The following VMP1 variants were observed in gnomAD, a reference collection of about 807,000 sequenced individuals.
VMP1 encodes ectopic P-granules autophagy protein 3 homolog.
VMP1 carries 11 observed loss-of-function variants against 56.0 expected under a neutral mutation model. That is an observed-to-expected ratio of 0.20 (90% CI 0.12 to 0.32). VMP1 has a LOEUF of 0.32. Among genes scored for constraint, VMP1 ranks in the 10% least tolerant of loss-of-function variants. VMP1 has a pLI of 1.00. For missense variants in VMP1, 296 were observed against 490.3 expected (o/e 0.60, Z 3.74); for synonymous variants, 149 against 165.0 (o/e 0.90, Z 0.74).
chr17:59,830,420 T>G (rs972029358), intron 10 of VMP1, among the ~76,000 whole-genome samples: 7 of 152,212 alleles, frequency 4.6e-5, no homozygotes, highest in South Asian at 2.1e-4. Flanking sequence ...TTTTTTTCAT[T>G]TATAAGCTTT....
intron 1 of VMP1, among the ~76,000 whole-genome samples, chr17:59,721,071 C>T (rs1191049008): frequency 3.3e-5 from 5 of 151,772 alleles, no homozygotes; most frequent in Non-Finnish European, 5.9e-5. Context: ...GGGGGCCGGG[C>T]GCGGTGGCTC....
At chr17:59,762,390 G>A (rs1334707988) in intron 5 of VMP1, among the ~76,000 whole-genome samples, 1 of 152,150 alleles carries the variant, frequency 6.6e-6, no homozygotes, top group Non-Finnish European at 1.5e-5. Flanking sequence ...TTGCTACATT[G>A]TAGTGAGACT....
At chr17:59,834,620 C>T (rs1305610961) in intron 10 of VMP1, among the ~76,000 whole-genome samples, 2 of 125,410 alleles carry the variant, frequency 1.6e-5, no homozygotes, top group African/African-American at 5.8e-5. Flanking sequence ...CCACCATGCC[C>T]AGCTAATTTT....
At chr17:59,715,921 T>C (rs1386223144) in intron 1 of VMP1, among the ~76,000 whole-genome samples, 2 of 152,210 alleles carry the variant, frequency 1.3e-5, no homozygotes, top group South Asian at 2.1e-4. Flanking sequence ...ATTTTTCTTT[T>C]ATTTTGGCCT....
intron 10 of VMP1, among the ~76,000 whole-genome samples, chr17:59,834,266 T>C (rs751435096): frequency 2.9e-4 from 44 of 151,862 alleles, no homozygotes; most frequent in Admixed American, 1.8e-3. Flanking sequence ...CTTGTTTTTG[T>C]TTTTGTTTTT....
chr17:59,716,541 A>G (rs1238940914), intron 1 of VMP1, among the ~76,000 whole-genome samples: 1 of 152,110 alleles, frequency 6.6e-6, no homozygotes, highest in African/African-American at 2.4e-5. Flanking sequence ...TAGAAGAACT[A>G]TTGAATTTGG....
At chr17:59,818,550 C>T (rs2038327389) in intron 10 of VMP1, among the ~76,000 whole-genome samples, 1 of 151,970 alleles carries the variant, frequency 6.6e-6, no homozygotes, top group Admixed American at 6.6e-5. Context: ...GCAGGCGGAT[C>T]GCCTGAGGTT....
chr17:59,749,258 A>G (rs904113721), intron 5 of VMP1, among the ~76,000 whole-genome samples: 1 of 151,526 alleles, frequency 6.6e-6, no homozygotes, highest in Non-Finnish European at 1.5e-5. Context: ...TGCCCAGCCA[A>G]TAAATTTTTA....
At chr17:59,832,862 C>T (rs1029328791) in intron 10 of VMP1, among the ~76,000 whole-genome samples, 18 of 150,308 alleles carry the variant, frequency 1.2e-4, no homozygotes, top group African/African-American at 3.4e-4. Flanking sequence ...CTGCCCACCT[C>T]GGCCTCCCAA....
At chr17:59,739,457 G>T (rs755618098) in intron 5 of VMP1, among the ~76,000 whole-genome samples, 3 of 150,636 alleles carry the variant, frequency 2.0e-5, no homozygotes, top group Non-Finnish European at 3.0e-5. Context: ...GGGCGTGGTG[G>T]CTCACGCCTG....
chr17:59,836,170 T>C (rs1416359736), intron 10 of VMP1, among the ~76,000 whole-genome samples: 1 of 151,444 alleles, frequency 6.6e-6, no homozygotes, highest in Non-Finnish European at 1.5e-5. Flanking sequence ...TTCAGGCCTT[T>C]TGTACCTCCT....
intron 5 of VMP1, among the ~76,000 whole-genome samples, chr17:59,757,256 GATA>G (rs2035875774): frequency 6.6e-6 from 1 of 151,520 alleles, no homozygotes; most frequent in African/African-American, 2.4e-5. Context: ...TAGATAGATA[GATA>G]GATAGATAGA....
chr17:59,824,005 T>C (rs1432106691), intron 10 of VMP1, among the ~76,000 whole-genome samples: 1 of 152,208 alleles, frequency 6.6e-6, no homozygotes, highest in Non-Finnish European at 1.5e-5. Context: ...GGCTCACGCC[T>C]GTAATCCCGG....
chr17:59,775,263 A>G (rs1458280467), intron 7 of VMP1, among the ~76,000 whole-genome samples: 1 of 151,832 alleles, frequency 6.6e-6, no homozygotes, highest in Non-Finnish European at 1.5e-5. Flanking sequence ...TTTTTTAAAA[A>G]GCTTAGCTGG....
intron 10 of VMP1, among the ~76,000 whole-genome samples, chr17:59,819,967 C>T (rs149941761): frequency 1.0e-3 from 152 of 152,322 alleles, no homozygotes; most frequent in African/African-American, 3.3e-3. Context: ...AGTTACATTA[C>T]TTAGCTACTT....
intron 3 of VMP1, 137 bp downstream of exon 3, chr17:59,735,610 T>C: frequency 1.1e-6 from 1 of 907,478 alleles, no homozygotes; most frequent in South Asian, 2.0e-5. Context: ...TAGGAACATA[T>C]TTATTCTCCT....
intron 7 of VMP1, among the ~76,000 whole-genome samples, chr17:59,777,217 T>G (rs892191318): frequency 6.6e-6 from 1 of 152,248 alleles, no homozygotes; most frequent in African/African-American, 2.4e-5. Flanking sequence ...CACCTTCGTT[T>G]TGCTTGAACA....
chr17:59,818,661 G>T (rs7223793), intron 10 of VMP1, among the ~76,000 whole-genome samples: 113,344 of 151,574 alleles, frequency 0.75, 42,744 homozygotes, highest in Admixed American at 0.8. Flanking sequence ...TCCCAGCTAC[G>T]AGGGAGGCGG....
At chr17:59,793,468 CCT>C (rs1197301485) in intron 7 of VMP1, among the ~76,000 whole-genome samples, 1 of 116,280 alleles carries the variant, frequency 8.6e-6, no homozygotes, top group Non-Finnish European at 2.1e-5. Context: ...AGATATTTTC[CCT>C]GAGTGTCTAG....
Sources: allele counts gnomAD v4.1 joint callset (sites outside exome capture counted in the v4.1 genomes callset), GRCh38; gene constraint gnomAD v4.1.1; transcripts MANE v1.5; gene names NCBI Gene and HGNC (gene_info 2026-07-23, HGNC 2026-07-21).